SLC24A4: variants seen among roughly 807,000 people sequenced by gnomAD.
The protein encoded by SLC24A4 is sodium/potassium/calcium exchanger 4.
A neutral mutation model predicts 79.0 loss-of-function variants in SLC24A4; 53 were observed. The observed-to-expected ratio is 0.67, with a 90% CI of 0.54 to 0.84. The LOEUF is 0.84. Ranked by LOEUF, SLC24A4 falls within the 40% of genes least tolerant of loss-of-function variation. The pLI is 0.00. For missense variants in SLC24A4, 731 were observed against 822.0 expected (o/e 0.89, Z 1.35); for synonymous variants, 323 against 323.8 (o/e 1.00, Z 0.03).
intron 12 of SLC24A4, among the ~76,000 whole-genome samples, chr14:92,474,843 G>GTA (rs1555374575): frequency 8.0e-4 from 19 of 23,882 alleles, no homozygotes; most frequent in African/African-American, 1.9e-3. Context: ...GTGTGTGTGT[G>GTA]TATATATATA....
At chr14:92,411,924 T>G in intron 2 of SLC24A4, among the ~76,000 whole-genome samples, 1 of 151,540 alleles carries the variant, frequency 6.6e-6, no homozygotes. Context: ...GACTTCTGGT[T>G]GCAAGTGACC....
chr14:92,472,745 C>T (rs1158398226), intron 12 of SLC24A4, among the ~76,000 whole-genome samples: 2 of 152,210 alleles, frequency 1.3e-5, no homozygotes, highest in African/African-American at 2.4e-5. Context: ...CTGCCATAAA[C>T]ATGTGTATGC....
At chr14:92,407,927 C>T (rs1890491397) in intron 2 of SLC24A4, among the ~76,000 whole-genome samples, 1 of 134,186 alleles carries the variant, frequency 7.5e-6, no homozygotes, top group Non-Finnish European at 1.5e-5. Context: ...GGTGTGTTTC[C>T]AGTGTGGATT....
rs112333450 is a variant in SLC24A4 at position 92,484,058 on chromosome 14, A to G, written c.1422+1212A>G. 94 of 985,316 alleles carry G rather than the reference A, an allele frequency of 9.5e-5. No individual in the cohort carries two copies. The African/African-American group carries it at 1.4e-3, about 15-fold the overall frequency. The allele number at this position is 985,316 out of a possible 1,614,324, so 61.0% of individuals were successfully genotyped here. A position where few individuals can be genotyped will look rare whatever the true frequency, so the allele number is the denominator to read the frequency against. On this transcript the variant is annotated intron_variant, in intron 13 of 16. Transcript: ENST00000532405. ...CAGAAGCTGGTGACTCCCTCTATGA[A>G]GTGGGGGTGATCATCACTCTCTTAC... is the stretch of plus-strand genomic sequence containing the variant.
intron 3 of SLC24A4, among the ~76,000 whole-genome samples, chr14:92,438,320 A>G (rs1432002851): frequency 1.3e-5 from 2 of 152,196 alleles, no homozygotes; most frequent in East Asian, 3.9e-4. Flanking sequence ...CCAAGGATAC[A>G]GGGCCAGGTG....
intron 12 of SLC24A4, among the ~76,000 whole-genome samples, chr14:92,475,409 C>G (rs1335990128): frequency 2.6e-5 from 4 of 152,208 alleles, no homozygotes; most frequent in Admixed American, 2.6e-4. Context: ...GGAGCTGTTA[C>G]CAGCTGTGTT....
intron 2 of SLC24A4, among the ~76,000 whole-genome samples, chr14:92,351,236 G>GCGCGCGCACACACA (rs112120101): frequency 1.5e-4 from 22 of 146,986 alleles, no homozygotes; most frequent in Admixed American, 2.7e-4. Flanking sequence ...ACACATACAC[G>GCGCGCGCACACACA]CACACACACA....
In SLC24A4 at chr14:92,456,467, G is replaced by A. The variant is rs940321796; in HGVS notation, c.1114G>A (p.Glu372Lys). Residue 372 changes from glutamate (E) to lysine (K), a missense_variant, in exon 12 of 17, where the codon GAG (glutamate) becomes AAG (lysine). Physicochemically the swap from Glu to Lys is moderately conservative, Grantham distance 56. Transcript: ENST00000532405. ...SSKPLQNGRH[E>K]NIENGNVPVE... Reference sequence around the variant, plus strand: ...TAAGCCGCTTCAAAACGGGAGGCACGAGAACATTGAGAACGGGAATGTTCC... The same window carrying A: ...TAAGCCGCTTCAAAACGGGAGGCACAAGAACATTGAGAACGGGAATGTTCC... 1.1e-5 allele frequency: 18 copies of A among 1,614,090 alleles called. No homozygotes were observed. Among genetic ancestry groups the A allele is most frequent in the Middle Eastern group, 3.3e-4 (2 of 6,084 alleles).
chr14:92,473,667 A>G (rs1894555539), intron 12 of SLC24A4, among the ~76,000 whole-genome samples: 1 of 152,182 alleles, frequency 6.6e-6, no homozygotes, highest in Non-Finnish European at 1.5e-5. Context: ...TGGAACCAGG[A>G]AACATGATCG....
chr14:92,345,924 A>G (rs1207911903), intron 2 of SLC24A4, among the ~76,000 whole-genome samples: 1 of 152,170 alleles, frequency 6.6e-6, no homozygotes, highest in East Asian at 1.9e-4. Context: ...ATGTCAGGTG[A>G]TAAGTATTGT....
At chr14:92,471,670 CTAAA>C (rs1159389151) in intron 12 of SLC24A4, among the ~76,000 whole-genome samples, 3 of 152,080 alleles carry the variant, frequency 2.0e-5, no homozygotes, top group African/African-American at 4.8e-5. Context: ...AATGAACACA[CTAAA>C]TATTATGGAA....
At chr14:92,369,512 G>A (rs1413428740) in intron 2 of SLC24A4, among the ~76,000 whole-genome samples, 1 of 152,200 alleles carries the variant, frequency 6.6e-6, no homozygotes, top group South Asian at 2.1e-4. Flanking sequence ...ACCACCAAAT[G>A]TAATGGTTAG....
chr14:92,355,057 G>A (rs1566708824), intron 2 of SLC24A4, among the ~76,000 whole-genome samples: 1 of 152,170 alleles, frequency 6.6e-6, no homozygotes, highest in Admixed American at 6.5e-5. Flanking sequence ...CTGTGTGACA[G>A]AGAAAGACTC....
At position 92,497,838 on chromosome 14, in the gene SLC24A4, C is replaced by T. The variant is rs2041540348; in HGVS notation, c.*4210C>T. The T allele has an allele frequency of 6.6e-6, 1 of 152,278 alleles. No individual in the cohort carries two copies. Among genetic ancestry groups the T allele is most frequent in the Non-Finnish European group, 1.5e-5 (1 of 68,114 alleles). The allele number at this position is 152,278 out of a possible 1,614,324, so 9.4% of individuals were successfully genotyped here. ...GGCTGGAAAAAGGTGGCTGTGCTGT[C>T]CCTGTGATCCACTCTCAGCAAATGC... On this transcript the variant is annotated 3_prime_UTR_variant, in exon 17 of 17. Coordinates refer to ENST00000532405, the MANE Select transcript of SLC24A4 (RefSeq NM_153646.4).
At position 92,398,135 on chromosome 14, in the gene SLC24A4, G is replaced by A. The variant is rs143686954; in HGVS notation, c.242-35777G>A. On this transcript the variant is annotated intron_variant, in intron 2 of 16. Coordinates refer to ENST00000532405, the MANE Select transcript of SLC24A4 (RefSeq NM_153646.4). This position sits in a 1 kb window ranked among gnomAD's most constrained non-coding sequence, Gnocchi z 4.1. The stretch of plus-strand genomic sequence containing the variant: ...ATCCCTTTAGGTCCACACACCAAAA[G>A]AGGCTTTGTTTTCATTTTTAAGATA... Among the ~76,000 whole-genome samples, 18 of 152,342 alleles carry A rather than the reference G, an allele frequency of 1.2e-4. No individual in the cohort carries two copies. The highest frequency in any genetic ancestry group is 3.6e-4 in the African/African-American group (15 of 41,588).
chr14:92,485,069 T>A (rs80314572), intron 13 of SLC24A4, among the ~76,000 whole-genome samples: 1 of 152,174 alleles, frequency 6.6e-6, no homozygotes, highest in African/African-American at 2.4e-5. Flanking sequence ...CACCATGAGA[T>A]GCAGCAGTGC....
intron 2 of SLC24A4, among the ~76,000 whole-genome samples, chr14:92,428,871 C>A (rs986682260): frequency 1.3e-5 from 2 of 152,116 alleles, no homozygotes; most frequent in African/African-American, 4.8e-5. Flanking sequence ...TGGGATCACC[C>A]GACAATATGG....
rs1884939719 is a variant in SLC24A4, at chr14:92,323,810, A to G, written c.-21A>G. 6.4e-7 allele frequency: 1 copy of G among 1,550,784 alleles called. No homozygotes were observed. The highest frequency in any genetic ancestry group is 8.7e-7 in the Non-Finnish European group (1 of 1,155,126). On this transcript the variant is annotated 5_prime_UTR_variant, in exon 1 of 17. Coordinates refer to ENST00000532405, the MANE Select transcript of SLC24A4 (RefSeq NM_153646.4). The surrounding 1 kb of genome is among the most constrained non-coding windows in gnomAD (Gnocchi z 4.9). ...TGAAGCTCCCCATCCTCTCCCAGAG[A>G]CGGCACCCAGGCGCTCCGGGATGGC...
intron 2 of SLC24A4, among the ~76,000 whole-genome samples, chr14:92,338,422 T>C (rs1432166220): frequency 6.6e-6 from 1 of 152,222 alleles, no homozygotes. Flanking sequence ...ACATCAGTTA[T>C]TTGGGGCTTT....
Sources: gnomAD v4.1 joint callset for allele counts (sites outside exome capture counted in the v4.1 genomes callset) on GRCh38, gnomAD v4.1.1 for gene constraint, Gnocchi (gnomAD v3.1) non-coding constraint, MANE v1.5 for transcripts, NCBI Gene and HGNC (gene_info 2026-07-23, HGNC 2026-07-21) for gene names.